The following ADGRL3 variants were observed in gnomAD, a reference collection of about 807,000 sequenced individuals.
ADGRL3 encodes calcium-independent alpha-latrotoxin receptor 3.
In ADGRL3, 62 loss-of-function variants were observed where a neutral mutation model predicts 153.5. The observed-to-expected ratio is 0.40, with a 90% CI of 0.33 to 0.50. The LOEUF is 0.50. Ranked by LOEUF, ADGRL3 falls within the 20% of genes least tolerant of loss-of-function variation. ADGRL3 has a pLI of 0.47. For synonymous variants in ADGRL3, 710 were observed against 672.5 expected, an observed-to-expected ratio of 1.06 and a Z score of -0.86; for missense variants, 1,641 against 1,859.4, an observed-to-expected ratio of 0.88 and a Z score of 2.16.
chr4:61,523,964 T>C (rs184036323), intron 4 of ADGRL3, among the ~76,000 whole-genome samples: 1 of 152,244 alleles, frequency 6.6e-6, no homozygotes, highest in Non-Finnish European at 1.5e-5. Flanking sequence ...CAAAACATTT[T>C]GGTTTAAAAT....
At chr4:61,400,392 G>A (rs970634404) in intron 2 of ADGRL3, among the ~76,000 whole-genome samples, 1 of 151,622 alleles carries the variant, frequency 6.6e-6, no homozygotes, top group African/African-American at 2.4e-5. Context: ...AAACTTTTAC[G>A]GTATATAAAA....
At chr4:62,033,966 A>C (rs1723590504) in intron 23 of ADGRL3, among the ~76,000 whole-genome samples, 2 of 151,752 alleles carry the variant, frequency 1.3e-5, no homozygotes, top group South Asian at 4.1e-4. Flanking sequence ...TCCCAATATT[A>C]ATAAAAATGT....
At chr4:61,311,045 GA>G (rs75749498) in intron 1 of ADGRL3, among the ~76,000 whole-genome samples, 14,614 of 146,992 alleles carry the variant, frequency 0.099, 889 homozygotes, top group Middle Eastern at 0.23. Context: ...TCAACTCTAG[GA>G]AAAAAAAAAA....
At chr4:61,312,334 T>C (rs1298145403) in intron 1 of ADGRL3, among the ~76,000 whole-genome samples, 1 of 152,126 alleles carries the variant, frequency 6.6e-6, no homozygotes, top group East Asian at 1.9e-4. Context: ...GAAAATAACA[T>C]ATGAGAAAAT....
intron 4 of ADGRL3, among the ~76,000 whole-genome samples, chr4:61,557,217 G>A (rs1309615682): frequency 1.3e-5 from 2 of 151,950 alleles, no homozygotes; most frequent in African/African-American, 4.8e-5. Flanking sequence ...CTAAATTAAG[G>A]CAATGTTTGC....
chr4:61,483,465 C>G (rs2098153762), intron 2 of ADGRL3, among the ~76,000 whole-genome samples: 1 of 152,144 alleles, frequency 6.6e-6, no homozygotes, highest in Non-Finnish European at 1.5e-5. Flanking sequence ...AGGCCTGGCG[C>G]AGTGGCTCAC....
At chr4:61,472,444 T>A (rs2152689674) in intron 2 of ADGRL3, among the ~76,000 whole-genome samples, 1 of 152,206 alleles carries the variant, frequency 6.6e-6, no homozygotes, top group East Asian at 1.9e-4. Context: ...TCCAAGCTTA[T>A]TCATGCAGGC....
At chr4:61,304,624 G>A (rs1050677233) in intron 1 of ADGRL3, among the ~76,000 whole-genome samples, 1 of 151,910 alleles carries the variant, frequency 6.6e-6, no homozygotes, top group South Asian at 2.1e-4. Context: ...AAATTGATTG[G>A]GTGAGTATGT....
At chr4:62,054,932 T>C (rs1270660039) in intron 25 of ADGRL3, among the ~76,000 whole-genome samples, 1 of 150,694 alleles carries the variant, frequency 6.6e-6, no homozygotes, top group African/African-American at 2.5e-5. Flanking sequence ...TACCATTTCA[T>C]ACTCTGATTG....
intron 21 of ADGRL3, among the ~76,000 whole-genome samples, chr4:62,014,474 G>A (rs572736206): frequency 2.0e-5 from 3 of 152,206 alleles, no homozygotes; most frequent in South Asian, 2.1e-4. Context: ...AGAATGGAAG[G>A]AATAGCCTAT....
At chr4:61,245,572 C>G (rs1756735024) in intron 1 of ADGRL3, among the ~76,000 whole-genome samples, 1 of 152,010 alleles carries the variant, frequency 6.6e-6, no homozygotes, top group Non-Finnish European at 1.5e-5. Flanking sequence ...TACTGGAGGC[C>G]ATGTCCTTGC....
In ADGRL3 at chr4:61,892,579, T is replaced by C. The variant is rs565550345; in HGVS notation, c.1481-77T>C. The stretch of plus-strand genomic sequence containing the variant: ...TCTTTGAACTGTCAAATAAAAACAA[T>C]TTCTAAAGTACTAGGACATCTTGAG... On this transcript the variant is annotated intron_variant, in intron 9 of 26. Coordinates refer to ENST00000683033, the MANE Select transcript of ADGRL3 (RefSeq NM_001387552.1). 2.9e-6 allele frequency: 3 copies of C among 1,036,168 alleles called. No individual in the cohort carries two copies. The South Asian group carries it at 4.2e-5, about 15-fold the overall frequency. 64.2% of individuals were successfully genotyped at this position (1,036,168 alleles called of 1,614,324 possible). A position where few individuals can be genotyped will look rare whatever the true frequency, so the allele number is the denominator to read the frequency against.
At chr4:61,693,066 A>AT (rs1394092316) in intron 6 of ADGRL3, among the ~76,000 whole-genome samples, 2 of 152,152 alleles carry the variant, frequency 1.3e-5, no homozygotes, top group African/African-American at 4.8e-5. Flanking sequence ...CAGTGCCAAA[A>AT]TTTATGAGTA....
chr4:61,505,070 CGACA>C (rs2098418543), intron 3 of ADGRL3, among the ~76,000 whole-genome samples: 1 of 152,018 alleles, frequency 6.6e-6, no homozygotes, highest in Non-Finnish European at 1.5e-5. Flanking sequence ...ATATTCCCAC[CGACA>C]GACAAAGGTT....
At chr4:61,684,204 T>C (rs1479015336) in intron 6 of ADGRL3, among the ~76,000 whole-genome samples, 1 of 152,194 alleles carries the variant, frequency 6.6e-6, no homozygotes, top group Admixed American at 6.6e-5. Context: ...TTTCTGAATG[T>C]CATTAATTGA....
chr4:61,214,036 T>C (rs1560360114), intron 1 of ADGRL3, among the ~76,000 whole-genome samples: 1 of 152,216 alleles, frequency 6.6e-6, no homozygotes, highest in Non-Finnish European at 1.5e-5. Context: ...GTATTGTTCA[T>C]AGCTACTAAT....
At chr4:61,928,484 T>C (rs575801920) in intron 13 of ADGRL3, among the ~76,000 whole-genome samples, 75 of 152,290 alleles carry the variant, frequency 4.9e-4, no homozygotes, top group African/African-American at 1.7e-3. Context: ...CATAGGTAAA[T>C]TGAAGAAAAA....
intron 5 of ADGRL3, among the ~76,000 whole-genome samples, chr4:61,646,198 C>G (rs1231351575): frequency 6.6e-6 from 1 of 151,918 alleles, no homozygotes; most frequent in Admixed American, 6.6e-5. Flanking sequence ...AAATTTTTTT[C>G]AAAGTTTTCA....
chr4:61,563,380 T>C (rs1317743343), intron 4 of ADGRL3, among the ~76,000 whole-genome samples: 2 of 152,090 alleles, frequency 1.3e-5, no homozygotes, highest in Non-Finnish European at 2.9e-5. Context: ...ACAGGCAGAG[T>C]AGATTTAGCA....
Sources: allele counts gnomAD v4.1 joint callset (sites outside exome capture counted in the v4.1 genomes callset), GRCh38; gene constraint gnomAD v4.1.1; transcripts MANE v1.5; gene names NCBI Gene and HGNC (gene_info 2026-07-23, HGNC 2026-07-21).